CC2D2B: variants seen among roughly 807,000 people sequenced by gnomAD.
CC2D2B encodes the protein coiled-coil and C2 domain containing 2B.
In CC2D2B, 128 loss-of-function variants were observed where a neutral mutation model predicts 161.2. The ratio of observed to expected loss-of-function variants is 0.79; its 90% CI spans 0.69 to 0.92. The LOEUF (loss-of-function observed/expected upper bound fraction) is 0.92. Ranked by LOEUF, CC2D2B falls within the 40% of genes least tolerant of loss-of-function variation. CC2D2B has a pLI of 0.00. For synonymous variants in CC2D2B, 391 were observed against 449.8 expected (o/e 0.87, Z 1.65); for missense variants, 1,173 against 1,375.1 (o/e 0.85, Z 2.32).
intron 9 of CC2D2B, among the ~76,000 whole-genome samples, chr10:95,947,082 A>T (rs200485224): frequency 3.3e-4 from 13 of 39,494 alleles, no homozygotes; most frequent in East Asian, 2.6e-3. Flanking sequence ...TGGACTCAAA[A>T]ATATATATAT....
chr10:95,916,321 G>C (rs780293187), intron 2 of CC2D2B, among the ~76,000 whole-genome samples: 21 of 151,716 alleles, frequency 1.4e-4, no homozygotes, highest in Admixed American at 1.3e-4. Context: ...CTAATGATTT[G>C]TCAATTTTGT....
chr10:95,962,846 A>G (rs1185282040), intron 12 of CC2D2B, among the ~76,000 whole-genome samples: 20 of 150,864 alleles, frequency 1.3e-4, no homozygotes, highest in Non-Finnish European at 2.9e-5. Context: ...TTAGACTCCT[A>G]AATTAATGTA....
intron 14 of CC2D2B, 112 bp from the exon 15 acceptor site, chr10:95,968,612 T>G: frequency 2.4e-6 from 1 of 423,872 alleles, no homozygotes; most frequent in Non-Finnish European, 4.0e-6. Flanking sequence ...AAGATAACAT[T>G]TGTCCTCTGA....
In CC2D2B at chr10:95,947,119, T is replaced by A. The variant is rs1239139677; in HGVS notation, c.802-2777T>A. On this transcript the variant is annotated intron_variant, in intron 9 of 34. Transcript: ENST00000646931. ...TATATATATATATATATATATTTTTTTTTTTTTTTTTGAGACAAAGTATTG... is the reference window on the plus strand; with the variant it reads ...TATATATATATATATATATATTTTTATTTTTTTTTTTGAGACAAAGTATTG... 9.5e-3 allele frequency among the ~76,000 whole-genome samples: 354 copies of A among 37,168 alleles called. 1 individual carries two copies. Among genetic ancestry groups the A allele is most frequent in the Middle Eastern group, 0.016 (1 of 64 alleles). The allele number at this position is 37,168 out of a possible 152,430, so 24.4% of individuals were successfully genotyped here. A position where few individuals can be genotyped will look rare whatever the true frequency, so the allele number is the denominator to read the frequency against.
At chr10:95,935,279 C>T (rs2075777523) in intron 6 of CC2D2B, among the ~76,000 whole-genome samples, 1 of 152,176 alleles carries the variant, frequency 6.6e-6, no homozygotes, top group South Asian at 2.1e-4. Context: ...TCAAATGCTT[C>T]AAATCCAATT....
chr10:96,004,349 T>C, intron 25 of CC2D2B, 101 bp downstream of exon 25: 1 of 631,874 alleles, frequency 1.6e-6, no homozygotes, highest in Non-Finnish European at 2.7e-6. Flanking sequence ...AGATGCAATG[T>C]CTACATCCAA....
intron 34 of CC2D2B, among the ~76,000 whole-genome samples, chr10:96,031,121 A>G (rs559350948): frequency 3.9e-5 from 6 of 152,316 alleles, no homozygotes; most frequent in African/African-American, 1.4e-4. Flanking sequence ...ATTATGCTGG[A>G]CACTGGAGTT....
chr10:95,939,129 CTG>C (rs2075931925), intron 9 of CC2D2B, among the ~76,000 whole-genome samples: 1 of 151,934 alleles, frequency 6.6e-6, no homozygotes, highest in African/African-American at 2.4e-5. Context: ...AAAATAAAAT[CTG>C]AAGTGAAAAA....
chr10:96,025,164 T>TATATATAAAAAAAAAAAAAA (rs2079653846), intron 33 of CC2D2B, among the ~76,000 whole-genome samples: 1 of 7,564 alleles, frequency 1.3e-4, no homozygotes, highest in African/African-American at 6.4e-4. Context: ...AATATATATA[T>TATATATAAAAAAAAAAAAAA]ATATATATAT....
At chr10:96,019,574 C>T in intron 31 of CC2D2B, 128 bp from the exon 32 acceptor site, 1 of 982,386 alleles carries the variant, frequency 1.0e-6, no homozygotes, top group South Asian at 1.7e-5. Flanking sequence ...TATCTCCTGC[C>T]TCAGAACCCC....
intron 2 of CC2D2B, chr10:95,913,426 A>G (rs1273990903): frequency 4.8e-6 from 2 of 420,264 alleles, no homozygotes; most frequent in Non-Finnish European, 9.4e-6. Flanking sequence ...TGCAACAAAC[A>G]TGGGAGTGCA....
chr10:95,917,369 T>C (rs1283400943), intron 2 of CC2D2B, among the ~76,000 whole-genome samples: 3 of 152,178 alleles, frequency 2.0e-5, no homozygotes, highest in Non-Finnish European at 2.9e-5. Flanking sequence ...TTATATTCAA[T>C]GTTGTTGTTG....
chr10:95,915,614 G>T (rs1590313039), intron 2 of CC2D2B, among the ~76,000 whole-genome samples: 1 of 152,118 alleles, frequency 6.6e-6, no homozygotes, highest in Non-Finnish European at 1.5e-5. Flanking sequence ...TTCATGAAGC[G>T]ATGTTGAATT....
chr10:96,027,282 T>C lies in CC2D2B; in HGVS notation c.4018T>C (p.Cys1340Arg), dbSNP rs1219144987. 1.3e-6 allele frequency: 2 copies of C among 1,551,250 alleles called. No homozygotes were observed. Among genetic ancestry groups the C allele is most frequent in the Non-Finnish European group, 1.7e-6 (2 of 1,146,814 alleles). The change falls in exon 34 of 35, where the codon TGT (cysteine) becomes CGT (arginine). Residue 1340 changes from cysteine to arginine, a missense_variant. By Grantham distance (180) the Cys-to-Arg change is radical. This residue lies in a region of CC2D2B where 598 missense variants were observed against 693.2 expected (regional missense o/e 0.86). Transcript: ENST00000646931. ...ACACCCAACACATTGGAATCGACAG[T>C]GTACTTTTATTTTGCGACAAATCCT... is the stretch of plus-strand genomic sequence containing the variant. ...PKHPTHWNRQ[C>R]TFILRQILPK...
In CC2D2B at chr10:95,974,076, C is replaced by T; in HGVS notation, c.1863C>T (p.Ser621=). 8.1e-7 allele frequency: 1 copy of T among 1,230,410 alleles called. No individual in the cohort carries two copies. The highest frequency in any genetic ancestry group is 1.0e-6 in the Non-Finnish European group (1 of 986,414). 76.2% of individuals were successfully genotyped at this position (1,230,410 alleles called of 1,614,324 possible). A position where few individuals can be genotyped will look rare whatever the true frequency, so the allele number is the denominator to read the frequency against. The change falls in exon 17 of 35, where the codon AGC becomes AGT. Residue 621 remains serine (S), a synonymous_variant. Transcript: ENST00000646931. The stretch of plus-strand genomic sequence containing the variant: ...GTCTTTTGACATCAGGAAAACTTAG[C>T]TATTCTCTATCATGGAGCTTAGATG... The part of the protein sequence containing the change: ...ELCLLTSGKL[S]YSLSWSLDEN...
chr10:95,950,757 A>G (rs1282068864), intron 10 of CC2D2B, among the ~76,000 whole-genome samples: 1 of 152,194 alleles, frequency 6.6e-6, no homozygotes, highest in Non-Finnish European at 1.5e-5. Flanking sequence ...CCGTCTCAAT[A>G]AACTGGACAT....
Position 95,996,195 on chromosome 10 carries a change from C to T in CC2D2B, c.2792C>T (p.Thr931Ile). Residue 931 changes from threonine (T) to isoleucine (I), a missense_variant, in exon 24 of 35, where the codon ACC (threonine) becomes ATC (isoleucine). Around this residue, in one of 3 missense-constraint regions of CC2D2B, gnomAD observed 598 missense variants for 693.2 expected, o/e 0.86. Transcript: ENST00000646931. ...EVSFQHTVYKTNTASGSHPCW... is the reference protein window; with the variant it reads ...EVSFQHTVYKINTASGSHPCW... ...TCTTTCCAGCACACTGTATACAAAA[C>T]CAATACAGCAAGTGGATCTCATCCA... The T allele has an allele frequency of 6.6e-7, 1 of 1,518,594 alleles. No individual in the cohort carries two copies. The highest frequency in any genetic ancestry group is 1.2e-5 in the South Asian group (1 of 81,360). 94.1% of individuals were successfully genotyped at this position (1,518,594 alleles called of 1,614,324 possible).
At chr10:95,980,946 T>C (rs2077495364) in intron 17 of CC2D2B, among the ~76,000 whole-genome samples, 1 of 152,222 alleles carries the variant, frequency 6.6e-6, no homozygotes, top group Admixed American at 6.5e-5. Context: ...ACAAATTCTC[T>C]ATGAAGAGAC....
At chr10:95,914,272 A>T (rs2098511813) in intron 2 of CC2D2B, among the ~76,000 whole-genome samples, 1 of 151,884 alleles carries the variant, frequency 6.6e-6, no homozygotes, top group South Asian at 2.1e-4. Flanking sequence ...TTCATTGTAG[A>T]TGTATAGATT....
Sources: gnomAD v4.1 joint callset for allele counts (sites outside exome capture counted in the v4.1 genomes callset) on GRCh38, gnomAD v4.1.1 for gene constraint, gnomAD v4.1.1 regional missense constraint, MANE v1.5 for transcripts, NCBI Gene and HGNC (gene_info 2026-07-23, HGNC 2026-07-21) for gene names.